EYS: variants seen among roughly 807,000 people sequenced by gnomAD.
EYS encodes the protein EGF-like photoreceptor maintenance factor, also known as protein eyes shut homolog.
EYS carries 250 observed loss-of-function variants against 282.1 expected under a neutral mutation model. The observed-to-expected ratio is 0.89, with a 90% confidence interval of 0.80 to 0.98. The LOEUF is 0.98. EYS is among the 50% of genes least tolerant of loss of function. EYS has a pLI of 0.00. For synonymous variants in EYS, 1,355 were observed against 1,282.9 expected (o/e 1.06, Z -1.20); for missense variants, 4,016 against 3,709.0 (o/e 1.08, Z -2.15).
chr6:64,165,363 G>T (rs1275110263), intron 31 of EYS, among the ~76,000 whole-genome samples: 1 of 151,922 alleles, frequency 6.6e-6, no homozygotes, highest in African/African-American at 2.4e-5. Flanking sequence ...ATTTTAATAA[G>T]ATTTTATTTG....
chr6:63,873,727 T>C (rs1238145805), intron 35 of EYS, among the ~76,000 whole-genome samples: 2 of 152,202 alleles, frequency 1.3e-5, no homozygotes, highest in Non-Finnish European at 2.9e-5. Context: ...CTCATGGTGG[T>C]TTTGATTTGC....
chr6:63,720,588 G>C lies in EYS; in HGVS notation c.*8C>G. ...TGTATAGTGTGTACTAAAATCTCTA[G>C]TGTTAACTTATGTAACCTCATTTTG... is the stretch of plus-strand genomic sequence containing the variant. On this transcript the variant is annotated 3_prime_UTR_variant, in exon 43 of 43. Coordinates refer to ENST00000503581, the MANE Select transcript of EYS (RefSeq NM_001142800.2). 6.9e-7 allele frequency: 1 copy of C among 1,453,942 alleles called. No individual in the cohort carries two copies. The highest frequency in any genetic ancestry group is 9.1e-7 in the Non-Finnish European group (1 of 1,095,204). The allele number at this position is 1,453,942 out of a possible 1,614,324, so 90.1% of individuals were successfully genotyped here.
chr6:64,041,234 T>TTG (rs375181899), intron 33 of EYS, among the ~76,000 whole-genome samples: 167 of 151,682 alleles, frequency 1.1e-3, no homozygotes, highest in Middle Eastern at 3.4e-3. Context: ...AGATCTGTAC[T>TTG]TGTGTGTGTG....
chr6:64,468,749 T>C (rs993034922), intron 26 of EYS, among the ~76,000 whole-genome samples: 3 of 152,202 alleles, frequency 2.0e-5, no homozygotes, highest in Non-Finnish European at 2.9e-5. Context: ...AGTGAGAACA[T>C]GTGGTATTTG....
At chr6:63,735,971 C>T (rs1476488266) in intron 41 of EYS, among the ~76,000 whole-genome samples, 1 of 152,120 alleles carries the variant, frequency 6.6e-6, no homozygotes, top group East Asian at 1.9e-4. Context: ...ACATCAAGAG[C>T]TACATAATGT....
chr6:64,403,060 A>T (rs1243642283), intron 28 of EYS, among the ~76,000 whole-genome samples: 1 of 152,120 alleles, frequency 6.6e-6, no homozygotes, highest in Admixed American at 6.5e-5. Flanking sequence ...AATAATTGAC[A>T]TTAGATTATT....
At chr6:65,636,058 A>G (rs138046394) in intron 2 of EYS, among the ~76,000 whole-genome samples, 8 of 152,304 alleles carry the variant, frequency 5.3e-5, no homozygotes, top group African/African-American at 1.9e-4. Context: ...GTGCAATGCC[A>G]TGGTCTTTAT....
intron 16 of EYS, among the ~76,000 whole-genome samples, chr6:64,910,793 A>C (rs936724646): frequency 1.3e-5 from 2 of 152,086 alleles, no homozygotes; most frequent in African/African-American, 4.8e-5. Context: ...CCGTAGCAGG[A>C]AAGAAATATC....
chr6:63,823,266 A>C (rs1001770998), intron 36 of EYS, among the ~76,000 whole-genome samples: 1 of 152,144 alleles, frequency 6.6e-6, no homozygotes, highest in African/African-American at 2.4e-5. Flanking sequence ...TAATAAAATG[A>C]ATTGAGAAGC....
At chr6:65,114,723 C>T (rs1472428219) in intron 12 of EYS, among the ~76,000 whole-genome samples, 3 of 151,840 alleles carry the variant, frequency 2.0e-5, no homozygotes, top group African/African-American at 2.4e-5. Context: ...CTCTACACTC[C>T]GGAGTCACTT....
chr6:65,667,893 A>G (rs1304716326), intron 1 of EYS, among the ~76,000 whole-genome samples: 1 of 152,070 alleles, frequency 6.6e-6, no homozygotes, highest in Non-Finnish European at 1.5e-5. Flanking sequence ...TTTTATCAGT[A>G]AATTTGGAAT....
intron 2 of EYS, among the ~76,000 whole-genome samples, chr6:65,514,521 A>G (rs943433731): frequency 6.6e-5 from 10 of 152,170 alleles, no homozygotes; most frequent in Non-Finnish European, 1.5e-4. Flanking sequence ...GAGGCATCAC[A>G]CTACCTGACT....
In EYS at chr6:63,762,137, G is replaced by A. The variant is rs181018903; in HGVS notation, c.8071+324C>T. Among the ~76,000 whole-genome samples the A allele has an allele frequency of 5.5e-4, 83 of 152,146 alleles. 3 individuals carry two copies. The East Asian group carries it at 0.016, about 29-fold the overall frequency. ...ACAGATAGGAGAGGCTCCCAGAGATGAAGTCTTGATCTGGAACTGAGTTAT... is the reference window on the plus strand; with the variant it reads ...ACAGATAGGAGAGGCTCCCAGAGATAAAGTCTTGATCTGGAACTGAGTTAT... On this transcript the variant is annotated intron_variant, in intron 41 of 42. Transcript: ENST00000503581.
At chr6:63,728,998 A>C (rs1371992397) in intron 41 of EYS, among the ~76,000 whole-genome samples, 7 of 152,100 alleles carry the variant, frequency 4.6e-5, no homozygotes, top group Non-Finnish European at 5.9e-5. Context: ...GCTTTAGGTG[A>C]TAAGTGTTCG....
chr6:64,723,622 T>C (rs1367613359), intron 22 of EYS, among the ~76,000 whole-genome samples: 1 of 152,208 alleles, frequency 6.6e-6, no homozygotes, highest in East Asian at 1.9e-4. Context: ...TATGTGTCAT[T>C]ATCCTTTATG....
In EYS at chr6:64,522,702, A is replaced by AT. The variant is rs577090921; in HGVS notation, c.5644+67520dup. ...GTAGCTCTGACTGACTCTGAGCTGA[A>AT]TTACTGTTTTCTTCACATATTCAGG... On this transcript the variant is annotated intron_variant, in intron 26 of 42. Transcript: ENST00000503581. Among the ~76,000 whole-genome samples the AT allele has an allele frequency of 2.0e-5, 3 of 151,904 alleles. No individual in the cohort carries two copies. The South Asian group carries it at 6.2e-4, about 32-fold the overall frequency.
At chr6:63,776,841 TA>T (rs1004698031) in intron 40 of EYS, among the ~76,000 whole-genome samples, 58 of 152,096 alleles carry the variant, frequency 3.8e-4, no homozygotes, top group African/African-American at 1.3e-3. Flanking sequence ...TATTATCACA[TA>T]AAAAAACCCC....
chr6:64,391,750 G>A (rs991267635), intron 28 of EYS, among the ~76,000 whole-genome samples: 1 of 151,948 alleles, frequency 6.6e-6, no homozygotes, highest in Admixed American at 6.6e-5. Flanking sequence ...ACATCATAAT[G>A]ACAGGATCAA....
chr6:65,492,971 C>A (rs1766102818), intron 4 of EYS, among the ~76,000 whole-genome samples: 1 of 152,080 alleles, frequency 6.6e-6, no homozygotes, highest in Non-Finnish European at 1.5e-5. Context: ...GGCTGGAGTG[C>A]AATGGCGCGA....
Sources: gnomAD v4.1 joint callset for allele counts (sites outside exome capture counted in the v4.1 genomes callset) on GRCh38, gnomAD v4.1.1 for gene constraint, MANE v1.5 for transcripts, NCBI Gene and HGNC (gene_info 2026-07-23, HGNC 2026-07-21) for gene names.